SLC9C2: variants seen among roughly 807,000 people sequenced by gnomAD.
SLC9C2 encodes the protein sodium/hydrogen exchanger 11.
In SLC9C2, 75 loss-of-function variants were observed where a neutral mutation model predicts 140.2. The ratio of observed to expected loss-of-function variants is 0.53; its 90% CI spans 0.44 to 0.65. The LOEUF (loss-of-function observed/expected upper bound fraction) is 0.65. Ranked by LOEUF, SLC9C2 falls within the 30% of genes least tolerant of loss-of-function variation. The pLI, the probability that SLC9C2 is intolerant of heterozygous loss-of-function variation, is 0.00. For missense variants in SLC9C2, 1,074 were observed against 1,331.8 expected (o/e 0.81, Z 3.01); for synonymous variants, 375 against 420.9 (o/e 0.89, Z 1.34).
intron 22 of SLC9C2, among the ~76,000 whole-genome samples, chr1:173,518,467 T>C (rs1660580035): frequency 6.6e-6 from 1 of 152,180 alleles, no homozygotes; most frequent in Non-Finnish European, 1.5e-5. Flanking sequence ...CCTTGTCTCT[T>C]TTTAAAATGC....
chr1:173,503,113 G>T (rs181175540), intron 27 of SLC9C2, among the ~76,000 whole-genome samples, 153 bp downstream of exon 27: 31 of 152,182 alleles, frequency 2.0e-4, no homozygotes, highest in African/African-American at 7.0e-4. Flanking sequence ...AATTTAAATG[G>T]GGTTTATTCT....
chr1:173,547,945 T>G (rs1662977127), intron 12 of SLC9C2, among the ~76,000 whole-genome samples, 161 bp from the exon 13 acceptor site: 1 of 152,224 alleles, frequency 6.6e-6, no homozygotes. Flanking sequence ...ATATAAGAAG[T>G]GTTGCCTTCA....
chr1:173,546,593 A>T lies in SLC9C2; in HGVS notation c.1557+1096T>A, dbSNP rs150824208. Among the ~76,000 whole-genome samples, 572 of 152,336 alleles carry T rather than the reference A, an allele frequency of 3.8e-3. 4 individuals are homozygous for T. The highest frequency in any genetic ancestry group is 0.011 in the African/African-American group (452 of 41,582). ...CAGACTTTGTTTCAAAATAAATAAA[A>T]TAAATAAATAAGAAGAAATATATTC... On this transcript the variant is annotated intron_variant, in intron 13 of 27. Transcript: ENST00000367714.
intron 23 of SLC9C2, among the ~76,000 whole-genome samples, chr1:173,513,857 T>C (rs1315390285): frequency 6.6e-6 from 1 of 152,372 alleles, no homozygotes; most frequent in South Asian, 2.1e-4. Flanking sequence ...GTTGTCTCTT[T>C]GTTCTCATTG....
intron 22 of SLC9C2, among the ~76,000 whole-genome samples, chr1:173,518,906 GC>G (rs756165071): frequency 6.6e-6 from 1 of 151,914 alleles, no homozygotes; most frequent in Non-Finnish European, 1.5e-5. Flanking sequence ...TCTAAAGGAG[GC>G]CCCCCCAAGA....
At chr1:173,565,562 T>C (rs1297942448) in intron 9 of SLC9C2, among the ~76,000 whole-genome samples, 2 of 152,204 alleles carry the variant, frequency 1.3e-5, no homozygotes, top group African/African-American at 4.8e-5. Flanking sequence ...GTTCCATTGG[T>C]CTATGTGTCT....
intron 13 of SLC9C2, among the ~76,000 whole-genome samples, chr1:173,539,860 G>C (rs1245585065): frequency 6.6e-6 from 1 of 152,100 alleles, no homozygotes; most frequent in Non-Finnish European, 1.5e-5. Flanking sequence ...TGGGATTGTT[G>C]GTTTAAAAAA....
chr1:173,598,630 G>A (rs939239819), intron 3 of SLC9C2, among the ~76,000 whole-genome samples: 1 of 152,184 alleles, frequency 6.6e-6, no homozygotes, highest in Non-Finnish European at 1.5e-5. Flanking sequence ...CCAATCAATA[G>A]TTTAACTTTC....
chr1:173,550,414 T>A (rs1295778760), intron 11 of SLC9C2, among the ~76,000 whole-genome samples: 2 of 149,794 alleles, frequency 1.3e-5, no homozygotes, highest in Admixed American at 6.7e-5. Flanking sequence ...TTTTTTTATT[T>A]TTTTATTTTA....
At chr1:173,506,461 A>G (rs1410829964) in intron 25 of SLC9C2, among the ~76,000 whole-genome samples, 2 of 152,236 alleles carry the variant, frequency 1.3e-5, no homozygotes, top group African/African-American at 2.4e-5. Context: ...ATGTGTCAAC[A>G]AAGTGATGTG....
At chr1:173,537,115 CCTCA>C in intron 13 of SLC9C2, 76 bp from the exon 14 acceptor site, 1 of 1,131,704 alleles carries the variant, frequency 8.8e-7, no homozygotes, top group Non-Finnish European at 1.3e-6. Context: ...CTTACATAGC[CCTCA>C]CTATTATTAC....
At chr1:173,508,547 G>T (rs1659813372) in intron 24 of SLC9C2, among the ~76,000 whole-genome samples, 1 of 152,080 alleles carries the variant, frequency 6.6e-6, no homozygotes, top group Non-Finnish European at 1.5e-5. Flanking sequence ...GAAAAGAGAA[G>T]AATTCCAATC....
intron 12 of SLC9C2, 56 bp from the exon 13 acceptor site, chr1:173,547,840 A>T (rs1662968838): frequency 1.5e-6 from 2 of 1,316,728 alleles, no homozygotes; most frequent in Non-Finnish European, 2.2e-6. Flanking sequence ...AAAAATAAGT[A>T]AAAATGATTA....
At chr1:173,577,883 C>T (rs189376492) in intron 7 of SLC9C2, among the ~76,000 whole-genome samples, 347 of 152,230 alleles carry the variant, frequency 2.3e-3, no homozygotes, top group African/African-American at 7.9e-3. Context: ...TTTTTATCTA[C>T]TTATTTAACT....
At chr1:173,514,854 C>T (rs1002365448) in intron 23 of SLC9C2, among the ~76,000 whole-genome samples, 7 of 152,130 alleles carry the variant, frequency 4.6e-5, no homozygotes, top group Admixed American at 3.3e-4. Context: ...CTGGTGGTGA[C>T]AAAATCCCTC....
intron 1 of SLC9C2, among the ~76,000 whole-genome samples, chr1:173,602,512 C>T (rs916923888): frequency 6.6e-6 from 1 of 152,078 alleles, no homozygotes; most frequent in Non-Finnish European, 1.5e-5. Context: ...TAGAAAAAGG[C>T]CCCCTTCCTC....
chr1:173,514,548 A>G lies in SLC9C2; in HGVS notation c.2907+2989T>C, dbSNP rs547260943. On this transcript the variant is annotated intron_variant, in intron 23 of 27. Coordinates refer to ENST00000367714, the MANE Select transcript of SLC9C2 (RefSeq NM_178527.4). ...CCCCTTTATTTTGAGCCTATGTGAG[A>G]TGAGCCCCCTAAATGTAGCACACCA... 1.1e-4 allele frequency among the ~76,000 whole-genome samples: 16 copies of G among 151,214 alleles called. No individual in the cohort carries two copies. The East Asian group carries it at 2.9e-3, about 28-fold the overall frequency.
intron 23 of SLC9C2, among the ~76,000 whole-genome samples, chr1:173,511,027 TCC>T (rs1660009445): frequency 7.5e-6 from 1 of 132,816 alleles, no homozygotes; most frequent in African/African-American, 3.0e-5. Context: ...TCCTTTCTTT[TCC>T]TTTTTTTTTT....
intron 21 of SLC9C2, among the ~76,000 whole-genome samples, chr1:173,523,199 C>T (rs1269144138): frequency 6.6e-6 from 1 of 151,962 alleles, no homozygotes; most frequent in Non-Finnish European, 1.5e-5. Context: ...TGATGAAACC[C>T]CGTCTCTACT....
Sources: allele counts gnomAD v4.1 joint callset (sites outside exome capture counted in the v4.1 genomes callset), GRCh38; gene constraint gnomAD v4.1.1; transcripts MANE v1.5; gene names NCBI Gene and HGNC (gene_info 2026-07-23, HGNC 2026-07-21).